Variants in STARD13 observed in about 807,000 individuals in gnomAD.
STARD13 encodes the protein StAR related lipid transfer domain containing 13.
In STARD13, 62 loss-of-function variants were observed where a neutral mutation model predicts 106.4. The ratio of observed to expected loss-of-function variants is 0.58; its 90% CI spans 0.48 to 0.72. The LOEUF (loss-of-function observed/expected upper bound fraction) is 0.72. STARD13 is among the 30% of genes least tolerant of loss of function. The probability of loss-of-function intolerance (pLI) is 0.00; values close to 1 mark genes in which losing one functional copy is unlikely to be tolerated. For synonymous variants in STARD13, 565 were observed against 553.0 expected (o/e 1.02, Z -0.31); for missense variants, 1,387 against 1,424.0 (o/e 0.97, Z 0.42).
the STARD13 span, among the ~76,000 whole-genome samples, chr13:33,580,913 A>G: frequency 6.6e-6 from 1 of 152,188 alleles, no homozygotes; most frequent in Non-Finnish European, 1.5e-5. Flanking sequence ...ACTACTTCTT[A>G]AGAAACCCAA....
At chr13:33,137,701 T>G (rs1879235179) in intron 4 of STARD13, among the ~76,000 whole-genome samples, 1 of 152,206 alleles carries the variant, frequency 6.6e-6, no homozygotes, top group Non-Finnish European at 1.5e-5. Flanking sequence ...AAGAAGCAAA[T>G]CCTGCAGTGA....
chr13:33,415,601 T>C, the STARD13 span, among the ~76,000 whole-genome samples: 27 of 152,316 alleles, frequency 1.8e-4, no homozygotes, highest in African/African-American at 5.3e-4. Context: ...AAAAAGTGTC[T>C]TCCTCTCATT....
At chr13:33,489,046 A>G in the STARD13 span, among the ~76,000 whole-genome samples, 1 of 152,208 alleles carries the variant, frequency 6.6e-6, no homozygotes, top group South Asian at 2.1e-4. Context: ...GTCACCCTTC[A>G]TTCTTCCATC....
intron 1 of STARD13, among the ~76,000 whole-genome samples, chr13:33,229,016 C>T (rs1052965462): frequency 6.6e-5 from 10 of 152,216 alleles, no homozygotes; most frequent in African/African-American, 2.4e-4. Context: ...TTGAAGACTT[C>T]AGCAACCATT....
upstream of STARD13, chr13:33,350,750 GC>G: frequency 1.3e-6 from 1 of 778,306 alleles, no homozygotes; most frequent in Non-Finnish European, 1.5e-6. Flanking sequence ...GCTGCCTCGC[GC>G]CCCACTCCTT....
intron 1 of STARD13, among the ~76,000 whole-genome samples, chr13:33,237,598 A>G (rs1169877475): frequency 3.3e-5 from 5 of 152,210 alleles, no homozygotes; most frequent in Admixed American, 6.5e-5. Flanking sequence ...TTGGTGCTAG[A>G]AAAGACATTT....
chr13:33,271,568 A>C (rs1032940507), intron 1 of STARD13: 1 of 152,206 alleles, frequency 6.6e-6, no homozygotes, highest in Non-Finnish European at 1.5e-5. Context: ...TTAGGTAGGA[A>C]CTTAGGAACC....
At chr13:33,462,506 A>T in the STARD13 span, among the ~76,000 whole-genome samples, 1 of 152,162 alleles carries the variant, frequency 6.6e-6, no homozygotes, top group Non-Finnish European at 1.5e-5. Flanking sequence ...GCCCCATGAT[A>T]GGCCGTCTGC....
At chr13:33,328,746 T>C (rs182113899) in intron 1 of STARD13, among the ~76,000 whole-genome samples, 11 of 152,296 alleles carry the variant, frequency 7.2e-5, no homozygotes, top group Non-Finnish European at 1.2e-4. Flanking sequence ...GTTCTAAGGG[T>C]GCCAGTGAGT....
upstream of STARD13, chr13:33,355,602 C>G (rs956126162): frequency 3.9e-5 from 6 of 152,190 alleles, no homozygotes; most frequent in Admixed American, 3.9e-4. Context: ...ATGTTCCTTT[C>G]CCAGGAGAGA....
the STARD13 span, among the ~76,000 whole-genome samples, chr13:33,460,466 G>A: frequency 1.3e-5 from 2 of 151,296 alleles, no homozygotes; most frequent in African/African-American, 4.9e-5. Context: ...ACTCCAGCCT[G>A]GTGACAGAGC....
At chr13:33,414,901 AAAC>A in the STARD13 span, among the ~76,000 whole-genome samples, 1 of 152,224 alleles carries the variant, frequency 6.6e-6, no homozygotes, top group African/African-American at 2.4e-5. Flanking sequence ...CATCAAGAGC[AAAC>A]AACAAAGCAG....
chr13:33,437,694 T>C, the STARD13 span, among the ~76,000 whole-genome samples: 2 of 152,246 alleles, frequency 1.3e-5, no homozygotes, highest in African/African-American at 4.8e-5. Flanking sequence ...GCTTTGTATC[T>C]GCATGGAAAT....
chr13:33,154,625 C>CA (rs10710396), intron 3 of STARD13, among the ~76,000 whole-genome samples: 5 of 150,788 alleles, frequency 3.3e-5, no homozygotes, highest in African/African-American at 7.3e-5. Context: ...GAACTTAAAA[C>CA]AAAAAAAAAG....
At chr13:33,604,398 G>A in the STARD13 span, among the ~76,000 whole-genome samples, 1 of 152,144 alleles carries the variant, frequency 6.6e-6, no homozygotes, top group African/African-American at 2.4e-5. Context: ...CAAAGACAAG[G>A]AGAAGATCTT....
At chr13:33,274,989 G>A (rs1342605541) in intron 1 of STARD13, among the ~76,000 whole-genome samples, 6 of 151,846 alleles carry the variant, frequency 4.0e-5, no homozygotes, top group African/African-American at 7.3e-5. Flanking sequence ...AAGTGATTCC[G>A]AGAGCTAGGA....
chr13:33,447,231 C>T, the STARD13 span, among the ~76,000 whole-genome samples: 1 of 152,226 alleles, frequency 6.6e-6, no homozygotes, highest in Non-Finnish European at 1.5e-5. Flanking sequence ...CTAAAAACGT[C>T]CGTCTCTTGT....
the STARD13 span, among the ~76,000 whole-genome samples, chr13:33,624,108 G>C: frequency 1.3e-5 from 2 of 152,180 alleles, no homozygotes; most frequent in African/African-American, 4.8e-5. Flanking sequence ...TCTGCTCCTA[G>C]AAATGAGTAT....
At chr13:33,205,650 T>C (rs1887364541) in intron 1 of STARD13, among the ~76,000 whole-genome samples, 1 of 152,206 alleles carries the variant, frequency 6.6e-6, no homozygotes, top group Non-Finnish European at 1.5e-5. Flanking sequence ...AAAATGACAG[T>C]CACTGCTTTT....
Sources: gnomAD v4.1 joint callset for allele counts (sites outside exome capture counted in the v4.1 genomes callset) on GRCh38, gnomAD v4.1.1 for gene constraint, MANE v1.5 for transcripts, NCBI Gene and HGNC (gene_info 2026-07-23, HGNC 2026-07-21) for gene names.